Variants in CTNND2 observed in about 807,000 individuals in gnomAD.
CTNND2 encodes the protein catenin delta-2.
Under a neutral mutation model 144.4 loss-of-function variants are expected in CTNND2, and 22 were observed. That is an observed-to-expected ratio of 0.15 (90% confidence interval 0.11 to 0.22). The LOEUF is 0.22. Among genes scored for constraint, CTNND2 ranks in the 10% least tolerant of loss-of-function variants. The pLI is 1.00. For missense variants in CTNND2, 1,353 were observed against 1,618.8 expected, an observed-to-expected ratio of 0.84 and a Z score of 2.82; for synonymous variants, 751 against 695.6, an observed-to-expected ratio of 1.08 and a Z score of -1.25.
intron 3 of CTNND2, among the ~76,000 whole-genome samples, chr5:11,475,941 C>T (rs957366460): frequency 6.6e-6 from 1 of 152,060 alleles, no homozygotes; most frequent in African/African-American, 2.4e-5. Context: ...TCACTGCAGC[C>T]TTGACCTCCC....
intron 3 of CTNND2, among the ~76,000 whole-genome samples, chr5:11,419,397 A>T (rs1762190651): frequency 6.6e-6 from 1 of 152,168 alleles, no homozygotes; most frequent in African/African-American, 2.4e-5. Context: ...GCATTGTTAG[A>T]ATCACTCCCA....
chr5:11,074,272 G>T (rs1010729272), intron 16 of CTNND2, among the ~76,000 whole-genome samples: 3 of 152,130 alleles, frequency 2.0e-5, no homozygotes, highest in Admixed American at 6.5e-5. Flanking sequence ...AAACACATGG[G>T]TATCTATTTT....
chr5:11,264,925 C>T (rs187367602), intron 9 of CTNND2, among the ~76,000 whole-genome samples: 132 of 151,854 alleles, frequency 8.7e-4, no homozygotes, highest in African/African-American at 2.8e-3. Context: ...AGTAAGACCC[C>T]GTCTCATTAA....
intron 9 of CTNND2, among the ~76,000 whole-genome samples, chr5:11,332,000 G>T (rs545914107): frequency 2.0e-5 from 3 of 152,250 alleles, no homozygotes; most frequent in African/African-American, 4.8e-5. Context: ...TGTAGGCCGG[G>T]CATGGTGGCT....
At chr5:11,585,476 A>ATCTT (rs1778781851) in intron 2 of CTNND2, among the ~76,000 whole-genome samples, 2 of 111,050 alleles carry the variant, frequency 1.8e-5, no homozygotes, top group African/African-American at 7.3e-5. Context: ...TATATATTTT[A>ATCTT]TCTATGTATA....
chr5:11,129,063 ATT>A (rs1237253746), intron 12 of CTNND2, among the ~76,000 whole-genome samples: 858 of 32,110 alleles, frequency 0.027, 63 homozygotes, highest in Middle Eastern at 0.071. Context: ...TAAAATATAT[ATT>A]TTATATATAA....
intron 12 of CTNND2, among the ~76,000 whole-genome samples, chr5:11,144,981 G>A (rs540526502): frequency 2.0e-5 from 3 of 152,156 alleles, no homozygotes; most frequent in East Asian, 2.0e-4. Context: ...GCAGCCATCC[G>A]TTTCTGATTG....
chr5:11,672,613 C>A (rs192290805), intron 2 of CTNND2, among the ~76,000 whole-genome samples: 1 of 152,138 alleles, frequency 6.6e-6, no homozygotes, highest in African/African-American at 2.4e-5. Context: ...CAATGGCGGA[C>A]GCCCCTCCCC....
intron 1 of CTNND2, among the ~76,000 whole-genome samples, chr5:11,790,396 G>C (rs954340563): frequency 2.6e-5 from 4 of 152,078 alleles, no homozygotes; most frequent in African/African-American, 9.7e-5. Context: ...ATGTCATAGA[G>C]GTGTAGATTG....
At chr5:11,771,595 G>C (rs1025135416) in intron 1 of CTNND2, among the ~76,000 whole-genome samples, 1 of 152,068 alleles carries the variant, frequency 6.6e-6, no homozygotes, top group Non-Finnish European at 1.5e-5. Flanking sequence ...TTTATCACAT[G>C]TAGTCTTCTT....
intron 14 of CTNND2, among the ~76,000 whole-genome samples, chr5:11,099,602 C>G (rs191743156): frequency 1.3e-5 from 2 of 152,132 alleles, no homozygotes; most frequent in East Asian, 3.9e-4. Flanking sequence ...TCATAAAATA[C>G]CTGTAATTAT....
chr5:11,786,289 AG>A (rs772126942), intron 1 of CTNND2, among the ~76,000 whole-genome samples: 302 of 152,334 alleles, frequency 2.0e-3, no homozygotes, highest in Admixed American at 2.9e-3. Flanking sequence ...CCCTCTCAGA[AG>A]GGAATTCATC....
intron 11 of CTNND2, among the ~76,000 whole-genome samples, chr5:11,168,072 T>G (rs1759529443): frequency 6.6e-6 from 1 of 152,170 alleles, no homozygotes; most frequent in African/African-American, 2.4e-5. Flanking sequence ...TGAATTAATT[T>G]TATTTAAAAT....
At chr5:11,131,703 G>A (rs1755615805) in intron 12 of CTNND2, among the ~76,000 whole-genome samples, 1 of 152,100 alleles carries the variant, frequency 6.6e-6, no homozygotes, top group Non-Finnish European at 1.5e-5. Context: ...GCAGGAGAAT[G>A]GCATGAACCC....
chr5:11,609,759 C>A (rs1780226326), intron 2 of CTNND2, among the ~76,000 whole-genome samples: 1 of 152,124 alleles, frequency 6.6e-6, no homozygotes, highest in African/African-American at 2.4e-5. Context: ...TGGCTGGGAC[C>A]CAGGTGGGTT....
intron 7 of CTNND2, among the ~76,000 whole-genome samples, chr5:11,372,873 T>G (rs1438081492): frequency 6.6e-6 from 1 of 152,196 alleles, no homozygotes; most frequent in Non-Finnish European, 1.5e-5. Context: ...TATGAATACA[T>G]ATCTGGTCTC....
At chr5:11,090,089 T>C (rs1391722838) in intron 15 of CTNND2, among the ~76,000 whole-genome samples, 1 of 152,208 alleles carries the variant, frequency 6.6e-6, no homozygotes, top group East Asian at 1.9e-4. Flanking sequence ...AACAAATCCC[T>C]TCATTCTGAG....
chr5:11,817,863 G>A (rs954582370), intron 1 of CTNND2, among the ~76,000 whole-genome samples: 4 of 151,918 alleles, frequency 2.6e-5, no homozygotes, highest in African/African-American at 9.7e-5. Context: ...ATGAATGCTT[G>A]GGAAGAAGCA....
At chr5:10,992,156 A>G (rs1307122807) in intron 19 of CTNND2, among the ~76,000 whole-genome samples, 1 of 152,136 alleles carries the variant, frequency 6.6e-6, no homozygotes, top group Non-Finnish European at 1.5e-5. Flanking sequence ...GAGCTCAGGC[A>G]ATCCGCCTGC....
Sources: gnomAD v4.1 joint callset for allele counts (sites outside exome capture counted in the v4.1 genomes callset) on GRCh38, gnomAD v4.1.1 for gene constraint, MANE v1.5 for transcripts, NCBI Gene and HGNC (gene_info 2026-07-23, HGNC 2026-07-21) for gene names.